Variants in CAPG observed in about 807,000 individuals in gnomAD.
The protein encoded by CAPG is macrophage-capping protein.
CAPG carries 32 observed loss-of-function variants against 44.6 expected under a neutral mutation model. The observed-to-expected ratio is 0.72, with a 90% CI of 0.54 to 0.96. The LOEUF (loss-of-function observed/expected upper bound fraction) is 0.96, where lower values mean the gene tolerates loss of function less well. Among genes scored for constraint, CAPG ranks in the 50% least tolerant of loss-of-function variants. The pLI is 0.00. For missense variants in CAPG, 412 were observed against 438.3 expected, an observed-to-expected ratio of 0.94 and a Z score of 0.54; for synonymous variants, 175 against 179.6, an observed-to-expected ratio of 0.97 and a Z score of 0.20.
intron 1 of CAPG, among the ~76,000 whole-genome samples, chr2:85,405,717 C>G (rs746766042): frequency 3.3e-5 from 5 of 152,144 alleles, no homozygotes; most frequent in Admixed American, 1.3e-4. Flanking sequence ...ATTTTGGCAC[C>G]ACGATTCCGG....
Position 85,402,124 on chromosome 2 carries a change from T to C in CAPG, c.22A>G (p.Ser8Gly). The change falls in exon 2 of 10, where the codon AGT (serine) becomes GGT (glycine). Residue 8 changes from serine (S) to glycine (G), a missense_variant and splice_region_variant. By Grantham distance (56) the Ser-to-Gly change is moderately conservative (BLOSUM62 0). Coordinates refer to ENST00000263867, the MANE Select transcript of CAPG (RefSeq NM_001747.4). MYTAIPQ[S>G]GSPFPGSVQD... Reference sequence around the variant, plus strand: ...AAGGAGATGGGGCATGCAGCTTACCTCTGGGGAATGGCTGTGTACATGCTG... The same window carrying C: ...AAGGAGATGGGGCATGCAGCTTACCCCTGGGGAATGGCTGTGTACATGCTG... 5.0e-6 allele frequency: 8 copies of C among 1,608,698 alleles called. No individual in the cohort carries two copies. Among genetic ancestry groups the C allele is most frequent in the Non-Finnish European group, 6.8e-6 (8 of 1,177,088 alleles).
At chr2:85,391,612 C>A (rs1024769914), downstream of CAPG, 1 of 153,020 alleles carries the variant, frequency 6.5e-6, no homozygotes, top group African/African-American at 2.4e-5. Context: ...GTGTCTCTCA[C>A]GGCTGCTCCA....
chr2:85,405,246 A>T (rs893107164), intron 1 of CAPG, among the ~76,000 whole-genome samples: 10 of 152,196 alleles, frequency 6.6e-5, no homozygotes, highest in African/African-American at 2.2e-4. Flanking sequence ...TTATCTTTTT[A>T]AAAAATTCAG....
At chr2:85,406,559 A>G (rs1007897404) in intron 1 of CAPG, among the ~76,000 whole-genome samples, 8 of 152,208 alleles carry the variant, frequency 5.3e-5, no homozygotes, top group African/African-American at 1.9e-4. Context: ...GCCTGTATTC[A>G]GCAAGAATCC....
chr2:85,407,058 G>T (rs1166350114), intron 1 of CAPG, among the ~76,000 whole-genome samples: 3 of 151,576 alleles, frequency 2.0e-5, no homozygotes, highest in African/African-American at 7.3e-5. Flanking sequence ...AGCCTCCTGT[G>T]TAGTGGGATT....
At position 85,398,138 on chromosome 2, in the gene CAPG, A is replaced by C. The variant is rs958083125; in HGVS notation, c.774T>G (p.Thr258=). The C allele has an allele frequency of 6.2e-7, 1 of 1,613,754 alleles. No individual in the cohort carries two copies. Among genetic ancestry groups the C allele is most frequent in the Middle Eastern group, 1.7e-4 (1 of 5,790 alleles). The part of the protein sequence containing the change: ...AAALYKVSDA[T]GQMNLTKVAD... ...CCACCTTGGTCAGGTTCATCTGTCCAGTGGCATCAGAGACCTGGGGAGGAG... is the reference window on the plus strand; with the variant it reads ...CCACCTTGGTCAGGTTCATCTGTCCCGTGGCATCAGAGACCTGGGGAGGAG... Residue 258 remains threonine, a synonymous_variant, in exon 8 of 10, where the codon ACT becomes ACG. Transcript: ENST00000263867.
chr2:85,395,247 A>G lies in CAPG; in HGVS notation c.982-289T>C, dbSNP rs560164374. On this transcript the variant is annotated intron_variant, in intron 9 of 9. Coordinates refer to ENST00000263867, the MANE Select transcript of CAPG (RefSeq NM_001747.4). The surrounding 1 kb of genome is among the most constrained non-coding windows in gnomAD (Gnocchi z 4.3). ...GCTCCCCACGGGATGACTTGTGGAC[A>G]CTGTGCTGCGGCAGGAGGGGTGGCA... is the stretch of plus-strand genomic sequence containing the variant. 1.4e-3 allele frequency among the ~76,000 whole-genome samples: 215 copies of G among 152,296 alleles called. No homozygotes were observed. Among genetic ancestry groups the G allele is most frequent in the Non-Finnish European group, 2.6e-3 (180 of 68,018 alleles).
At chr2:85,399,106 TC>T in intron 6 of CAPG, 29 bp downstream of exon 6, 1 of 1,608,178 alleles carries the variant, frequency 6.2e-7, no homozygotes, top group Admixed American at 1.7e-5. Context: ...AAGCAGAGGC[TC>T]CCAGCCACCC....
At chr2:85,392,209 T>C (rs1331029907), downstream of CAPG, among the ~76,000 whole-genome samples, 1 of 151,918 alleles carries the variant, frequency 6.6e-6, no homozygotes, top group African/African-American at 2.4e-5. Flanking sequence ...GCTAACACAG[T>C]GAAACCCCGT....
At chr2:85,413,927 A>C (rs969173664), upstream of CAPG, 1 of 152,136 alleles carries the variant, frequency 6.6e-6, no homozygotes, top group African/African-American at 2.4e-5. Context: ...AGCCCGTTCG[A>C]CCCCTACATG....
downstream of CAPG, chr2:85,391,706 G>C (rs1414611583): frequency 6.5e-6 from 1 of 152,682 alleles, no homozygotes; most frequent in Non-Finnish European, 1.5e-5. Context: ...GAGGGAAGGA[G>C]GAAATTCATA....
rs1018937424 is a variant in CAPG at position 85,401,831 on chromosome 2, C to T, written c.150G>A (p.Val50=). The T allele has an allele frequency of 6.2e-7, 1 of 1,614,172 alleles. No homozygotes were observed. The change falls in exon 3 of 10, where the codon GTG becomes GTA. Residue 50 remains valine (V), a synonymous_variant. Transcript: ENST00000263867. ...AAACCTCTTCTGGGCCATTGTGCAG[C>T]ACTAGGTAGGAGTCCCCCGAGAAGA... ...GVFFSGDSYL[V]LHNGPEEVSH...
At chr2:85,406,449 C>A (rs1045204823) in intron 1 of CAPG, among the ~76,000 whole-genome samples, 10 of 152,252 alleles carry the variant, frequency 6.6e-5, no homozygotes, top group Non-Finnish European at 1.0e-4. Flanking sequence ...TTACCTAGAA[C>A]CCCCTACCCT....
At position 85,399,242 on chromosome 2, in the gene CAPG, C is replaced by A. The variant is rs201863934; in HGVS notation, c.560G>T (p.Arg187Leu). Residue 187 changes from arginine to leucine, a missense_variant, in exon 6 of 10, where the codon CGC becomes CTC. Coordinates refer to ENST00000263867, the MANE Select transcript of CAPG (RefSeq NM_001747.4). Reference protein sequence around the residue: ...WCGGKSNILERNKARDLALAI... With the variant: ...WCGGKSNILELNKARDLALAI... ...CAGGGCCAGGTCCCTCGCCTTGTTG[C>A]GTTCCAGGATGTTGGACTTTCCACC... The A allele has an allele frequency of 1.2e-6, 2 of 1,614,032 alleles. No homozygotes were observed. The highest frequency in any genetic ancestry group is 2.2e-5 in the East Asian group (1 of 44,878).
At chr2:85,393,364 A>G (rs1418058613), downstream of CAPG, among the ~76,000 whole-genome samples, 1 of 152,104 alleles carries the variant, frequency 6.6e-6, no homozygotes, top group African/African-American at 2.4e-5. Context: ...GTATATTTAT[A>G]GGGAAAGGGG....
At chr2:85,418,041 T>C (rs1277028278) in intron 1 of CAPG, among the ~76,000 whole-genome samples, 1 of 152,028 alleles carries the variant, frequency 6.6e-6, no homozygotes, top group Non-Finnish European at 1.5e-5. Flanking sequence ...TGGTGCCAAA[T>C]AAAAATCTGA....
intron 2 of CAPG, 34 bp from the exon 3 acceptor site, chr2:85,401,991 A>G: frequency 6.2e-7 from 1 of 1,613,754 alleles, no homozygotes; most frequent in Non-Finnish European, 8.5e-7. Flanking sequence ...AGCAGCCTGG[A>G]CCCACTTGCC....
chr2:85,415,238 AGCCACTGG>A (rs1014414374), upstream of CAPG, among the ~76,000 whole-genome samples: 13 of 132,218 alleles, frequency 9.8e-5, no homozygotes, highest in Admixed American at 8.4e-4. Context: ...CTGGACATCA[AGCCACTGG>A]GCCACCTGCA....
intron 5 of CAPG, among the ~76,000 whole-genome samples, chr2:85,400,297 G>A (rs895043222): frequency 3.9e-5 from 6 of 152,114 alleles, no homozygotes; most frequent in East Asian, 1.9e-4. Context: ...TCTACCCACC[G>A]CCCTGCCAGG....
Sources: gnomAD v4.1 joint callset for allele counts (sites outside exome capture counted in the v4.1 genomes callset) on GRCh38, gnomAD v4.1.1 for gene constraint, Gnocchi (gnomAD v3.1) non-coding constraint, MANE v1.5 for transcripts, NCBI Gene and HGNC (gene_info 2026-07-23, HGNC 2026-07-21) for gene names.